The following RUFY3 variants were observed in gnomAD, a reference collection of about 807,000 sequenced individuals.
The protein encoded by RUFY3 is protein RUFY3.
Under a neutral mutation model 84.0 loss-of-function variants are expected in RUFY3, and 34 were observed. That is an observed-to-expected ratio of 0.40 (90% CI 0.31 to 0.54). The LOEUF (loss-of-function observed/expected upper bound fraction) is 0.54. Among genes scored for constraint, RUFY3 ranks in the 20% least tolerant of loss-of-function variants. The pLI, the probability that RUFY3 is intolerant of heterozygous loss-of-function variation, is 0.39. For missense variants in RUFY3, 507 were observed against 736.8 expected, an observed-to-expected ratio of 0.69 and a Z score of 3.61; for synonymous variants, 242 against 252.9, an observed-to-expected ratio of 0.96 and a Z score of 0.41.
chr4:70,793,646 G>T, intron 12 of RUFY3, 139 bp from the exon 13 acceptor site: 1 of 1,529,304 alleles, frequency 6.5e-7, no homozygotes, highest in South Asian at 1.2e-5. Flanking sequence ...TTCTTCACCT[G>T]TGTCCTGCAA....
chr4:70,722,480 G>C lies in RUFY3; in HGVS notation c.-94G>C. On this transcript the variant is annotated 5_prime_UTR_variant, in exon 1 of 18. Coordinates refer to ENST00000381006, the MANE Select transcript of RUFY3 (RefSeq NM_001037442.4). ...GCTTTGTTTCAGAGCTTTGTATTGG[G>C]TTTTTTTGGTGAGGAGGTTGTATTT... is the stretch of plus-strand genomic sequence containing the variant. The C allele has an allele frequency of 6.9e-7, 1 of 1,446,692 alleles. No individual in the cohort carries two copies. Among genetic ancestry groups the C allele is most frequent in the Non-Finnish European group, 9.1e-7 (1 of 1,093,082 alleles). The allele number at this position is 1,446,692 out of a possible 1,614,324, so 89.6% of individuals were successfully genotyped here. A position where few individuals can be genotyped will look rare whatever the true frequency, so the allele number is the denominator to read the frequency against.
At chr4:70,746,521 A>AT (rs1244872881) in intron 1 of RUFY3, among the ~76,000 whole-genome samples, 1 of 151,868 alleles carries the variant, frequency 6.6e-6, no homozygotes, top group Non-Finnish European at 1.5e-5. Flanking sequence ...AAAAAAAAAA[A>AT]AAAGTTATGT....
chr4:70,765,096 G>A (rs1205235086), intron 4 of RUFY3, among the ~76,000 whole-genome samples: 5 of 150,818 alleles, frequency 3.3e-5, no homozygotes, highest in African/African-American at 7.3e-5. Context: ...GCTGAGGCAC[G>A]AGAATCGCTT....
At chr4:70,747,475 C>A (rs958879448) in intron 1 of RUFY3, among the ~76,000 whole-genome samples, 22 of 150,024 alleles carry the variant, frequency 1.5e-4, no homozygotes, top group Admixed American at 1.1e-3. Context: ...TCCATTTGTA[C>A]GGTAGCCACT....
chr4:70,725,933 T>A (rs747730310), intron 1 of RUFY3, among the ~76,000 whole-genome samples: 6 of 152,218 alleles, frequency 3.9e-5, no homozygotes, highest in Non-Finnish European at 5.9e-5. Context: ...AGAAATCTTA[T>A]TCATACTGAA....
chr4:70,747,954 T>C (rs551061343), intron 1 of RUFY3, among the ~76,000 whole-genome samples: 11 of 152,358 alleles, frequency 7.2e-5, no homozygotes, highest in African/African-American at 2.6e-4. Flanking sequence ...ACTTTTTCAT[T>C]TCCCTTTATA....
At chr4:70,704,192 T>TA (rs1352164097), upstream of RUFY3, 1 of 152,100 alleles carries the variant, frequency 6.6e-6, no homozygotes, top group Non-Finnish European at 1.5e-5. Flanking sequence ...ACCAGGGAAT[T>TA]AAAGTCAAAG....
intron 8 of RUFY3, among the ~76,000 whole-genome samples, chr4:70,779,221 A>T (rs1173619860): frequency 1.3e-5 from 2 of 152,294 alleles, no homozygotes; most frequent in East Asian, 3.9e-4. Context: ...TGGTCAGAAG[A>T]TCAGTAATCC....
intron 1 of RUFY3, among the ~76,000 whole-genome samples, chr4:70,755,399 A>C (rs998036540): frequency 6.6e-6 from 1 of 152,242 alleles, no homozygotes; most frequent in Non-Finnish European, 1.5e-5. Context: ...CTTTTCCTTC[A>C]ATTATTTAGA....
intron 1 of RUFY3, among the ~76,000 whole-genome samples, chr4:70,748,705 A>G (rs1221246212): frequency 6.6e-6 from 1 of 152,170 alleles, no homozygotes; most frequent in Admixed American, 6.5e-5. Context: ...ATGGGGTGAC[A>G]CTGGATGGCT....
At chr4:70,744,561 A>G (rs1252836444) in intron 1 of RUFY3, among the ~76,000 whole-genome samples, 1 of 152,140 alleles carries the variant, frequency 6.6e-6, no homozygotes, top group Non-Finnish European at 1.5e-5. Context: ...AAAAATTTTT[A>G]AAATAACAGA....
chr4:70,749,708 G>A (rs1435285901), intron 1 of RUFY3, among the ~76,000 whole-genome samples: 1 of 148,634 alleles, frequency 6.7e-6, no homozygotes, highest in East Asian at 2.0e-4. Context: ...CAGGCTAGAA[G>A]GTGGTGGCAC....
chr4:70,791,205 G>A, intron 12 of RUFY3: 1 of 1,601,044 alleles, frequency 6.2e-7, no homozygotes, highest in Non-Finnish European at 8.5e-7. Flanking sequence ...TCACTTCATT[G>A]TCATTTTTAT....
intron 1 of RUFY3, among the ~76,000 whole-genome samples, chr4:70,742,789 C>G (rs923426900): frequency 6.6e-6 from 1 of 152,148 alleles, no homozygotes; most frequent in Non-Finnish European, 1.5e-5. Context: ...GCAGCTTTAC[C>G]CTCTCTGTTG....
chr4:70,764,600 C>T (rs749158727), intron 4 of RUFY3, 24 bp downstream of exon 4: 49 of 1,374,564 alleles, frequency 3.6e-5, no homozygotes, highest in Non-Finnish European at 5.1e-5. Context: ...CTTGAACTTT[C>T]TTCTTTCCTT....
At chr4:70,705,210 C>T in exon 1 of RUFY3, 1 of 1,461,580 alleles carries the variant, frequency 6.8e-7, no homozygotes, top group Non-Finnish European at 9.0e-7. Flanking sequence ...CTGGAGGACC[C>T]CGCCGTCCCC....
chr4:70,728,380 C>T (rs895105108), intron 1 of RUFY3, among the ~76,000 whole-genome samples: 1 of 152,126 alleles, frequency 6.6e-6, no homozygotes, highest in Non-Finnish European at 1.5e-5. Context: ...GATCACCTGG[C>T]GTATTGCTAG....
At chr4:70,720,814 T>G (rs1184650078), upstream of RUFY3, among the ~76,000 whole-genome samples, 1 of 152,150 alleles carries the variant, frequency 6.6e-6, no homozygotes, top group African/African-American at 2.4e-5. Context: ...CTCTTTGTAA[T>G]TTATGTAGTT....
chr4:70,718,877 A>AT (rs1297900490), upstream of RUFY3, among the ~76,000 whole-genome samples: 917 of 152,052 alleles, frequency 6.0e-3, 10 homozygotes, highest in African/African-American at 0.019. Flanking sequence ...CACCACGCCC[A>AT]GCTAATTTTG....
Sources: gnomAD v4.1 joint callset for allele counts (sites outside exome capture counted in the v4.1 genomes callset) on GRCh38, gnomAD v4.1.1 for gene constraint, MANE v1.5 for transcripts, NCBI Gene and HGNC (gene_info 2026-07-23, HGNC 2026-07-21) for gene names.